TRAM2: variants seen among roughly 807,000 people sequenced by gnomAD.
TRAM2 encodes translocating chain-associated membrane protein 2.
A neutral mutation model predicts 51.0 loss-of-function variants in TRAM2; 12 were observed. That is an observed-to-expected ratio of 0.24 (90% CI 0.15 to 0.38). The LOEUF is 0.38. TRAM2 is among the 10% of genes least tolerant of loss of function. TRAM2 has a pLI of 1.00. For synonymous variants in TRAM2, 175 were observed against 179.4 expected (o/e 0.98, Z 0.20); for missense variants, 361 against 462.0 (o/e 0.78, Z 2.00).
intron 1 of TRAM2, among the ~76,000 whole-genome samples, chr6:52,575,266 T>G (rs1222204133): frequency 2.0e-5 from 3 of 152,036 alleles, no homozygotes; most frequent in African/African-American, 7.2e-5. Flanking sequence ...GAGGCTGCAG[T>G]CAGTTTTCAG....
Position 52,502,724 on chromosome 6 carries a change from C to CT in TRAM2, c.*472dup, listed in dbSNP as rs1766257292. The CT allele has an allele frequency of 1.2e-5, 2 of 170,070 alleles. No homozygotes were observed. The highest frequency in any genetic ancestry group is 3.0e-4 in the South Asian group (2 of 6,716). 10.5% of individuals were successfully genotyped at this position (170,070 alleles called of 1,614,324 possible). ...CATCCACATGAGGACCACCAAGGGC[C>CT]TACCAGCCCCAGGCTTCTGACCGGC... On this transcript the variant is annotated 3_prime_UTR_variant, in exon 11 of 11. Transcript: ENST00000182527.
At chr6:52,523,182 T>C in intron 2 of TRAM2, 1 of 382,040 alleles carries the variant, frequency 2.6e-6, no homozygotes. Flanking sequence ...GAGCCAACTC[T>C]GTTTTCGTAT....
chr6:52,541,803 G>GTTTTTTTTTT (rs56919932), intron 1 of TRAM2, among the ~76,000 whole-genome samples: 10 of 138,700 alleles, frequency 7.2e-5, no homozygotes, highest in Non-Finnish European at 1.6e-4. Context: ...AGTTTATTCT[G>GTTTTTTTTTT]TTTTTTTTTT....
chr6:52,565,933 T>A (rs548341554), intron 1 of TRAM2, among the ~76,000 whole-genome samples: 3 of 152,320 alleles, frequency 2.0e-5, no homozygotes, highest in African/African-American at 7.2e-5. Context: ...ACCAGTTTCC[T>A]TAGGTAAGTC....
chr6:52,497,854 T>TATCA lies in TRAM2; in HGVS notation c.*5339_*5342dup, dbSNP rs1333844163. On this transcript the variant is annotated 3_prime_UTR_variant, in exon 11 of 11. Transcript: ENST00000182527. ...TATATTTACTGTCACAGCTAGACCC[T>TATCA]ATCAGGTGAACAGGGCTCTCCACCT... The TATCA allele has an allele frequency of 1.4e-4, 21 of 152,352 alleles. No homozygotes were observed. Among genetic ancestry groups the TATCA allele is most frequent in the African/African-American group, 4.1e-4 (17 of 41,576 alleles). 9.4% of individuals were successfully genotyped at this position (152,352 alleles called of 1,614,324 possible). A position where few individuals can be genotyped will look rare whatever the true frequency, so the allele number is the denominator to read the frequency against.
At chr6:52,513,537 T>TG (rs1279392839) in intron 4 of TRAM2, among the ~76,000 whole-genome samples, 1 of 151,744 alleles carries the variant, frequency 6.6e-6, no homozygotes, top group African/African-American at 2.4e-5. Flanking sequence ...TGCAAATTGG[T>TG]GGGGGGTTCT....
intron 1 of TRAM2, among the ~76,000 whole-genome samples, chr6:52,545,681 G>T (rs1481212848): frequency 6.7e-6 from 1 of 149,604 alleles, no homozygotes; most frequent in African/African-American, 2.5e-5. Context: ...GCAGCTGGAA[G>T]AACCAACCCC....
rs562132672 is a variant in TRAM2 at position 52,524,977 on chromosome 6, A to T, written c.185-8240T>A. ...GCCTACTTCCAACAGAAACAATCAGACGCTAAAGGAACAGAAGAGTCACTT... is the reference window on the plus strand; with the variant it reads ...GCCTACTTCCAACAGAAACAATCAGTCGCTAAAGGAACAGAAGAGTCACTT... On this transcript the variant is annotated intron_variant, in intron 2 of 10. Coordinates refer to ENST00000182527, the MANE Select transcript of TRAM2 (RefSeq NM_012288.4). The T allele has an allele frequency of 2.3e-4, 35 of 152,394 alleles. 1 individual carries two copies. Among genetic ancestry groups the T allele is most frequent in the African/African-American group, 8.2e-4 (34 of 41,586 alleles). The allele number at this position is 152,394 out of a possible 1,614,324, so 9.4% of individuals were successfully genotyped here.
chr6:52,547,213 G>A (rs112465721), intron 1 of TRAM2, among the ~76,000 whole-genome samples: 3 of 152,194 alleles, frequency 2.0e-5, no homozygotes, highest in African/African-American at 7.2e-5. Flanking sequence ...GGACCATGGA[G>A]AGAAATGTGG....
At chr6:52,536,398 T>G (rs2114086964) in intron 1 of TRAM2, among the ~76,000 whole-genome samples, 1 of 152,292 alleles carries the variant, frequency 6.6e-6, no homozygotes, top group South Asian at 2.1e-4. Flanking sequence ...ACATTCCTGG[T>G]TTGTTTATTT....
intron 1 of TRAM2, among the ~76,000 whole-genome samples, chr6:52,557,669 T>G (rs546576976): frequency 1.2e-4 from 18 of 152,278 alleles, no homozygotes; most frequent in South Asian, 4.1e-4. Context: ...GAGCCTCAAA[T>G]CTGCAGCCTA....
chr6:52,533,437 G>A (rs927663528), intron 2 of TRAM2, among the ~76,000 whole-genome samples: 8 of 152,184 alleles, frequency 5.3e-5, no homozygotes, highest in African/African-American at 1.9e-4. Flanking sequence ...GCCCTGGGAT[G>A]AGCGGGCATC....
rs1035065662 is a variant in TRAM2, at chr6:52,504,448, C to G, written c.1039+143G>C. The G allele has an allele frequency of 1.9e-5, 27 of 1,435,188 alleles. 4 individuals are homozygous for G. The highest frequency in any genetic ancestry group is 7.3e-5 in the East Asian group (3 of 40,974). The allele number at this position is 1,435,188 out of a possible 1,614,324, so 88.9% of individuals were successfully genotyped here. ...CGTGCCAATCAGGGAGCTAGGAGCC[C>G]CAGCCCTGAGGTAAGAGTCAGGAAG... is the stretch of plus-strand genomic sequence containing the variant. On this transcript the variant is annotated intron_variant, in intron 10 of 10. Transcript: ENST00000182527.
At chr6:52,569,805 G>A (rs1767648603) in intron 1 of TRAM2, among the ~76,000 whole-genome samples, 2 of 151,964 alleles carry the variant, frequency 1.3e-5, no homozygotes, top group African/African-American at 4.8e-5. Context: ...GCCCAGAACA[G>A]GCACTTAAGC....
At chr6:52,560,366 GT>G (rs1285844120) in intron 1 of TRAM2, among the ~76,000 whole-genome samples, 3 of 152,240 alleles carry the variant, frequency 2.0e-5, no homozygotes, top group African/African-American at 7.2e-5. Flanking sequence ...CTTTCCAGGT[GT>G]TGCCTGTGCA....
chr6:52,545,598 A>G (rs923894581), intron 1 of TRAM2, among the ~76,000 whole-genome samples: 1 of 151,882 alleles, frequency 6.6e-6, no homozygotes, highest in African/African-American at 2.4e-5. Context: ...AGTCACTGCT[A>G]TGAACCCCAC....
intron 1 of TRAM2, among the ~76,000 whole-genome samples, chr6:52,559,264 GACGCGACGGATTACT>G: frequency 6.6e-6 from 1 of 152,190 alleles, no homozygotes; most frequent in Non-Finnish European, 1.5e-5. Context: ...CAGTGTAACA[GACGCGACGGATTACT>G]TGGAATATCC....
intron 2 of TRAM2, among the ~76,000 whole-genome samples, chr6:52,517,550 G>A (rs1230198496): frequency 6.6e-6 from 1 of 152,230 alleles, no homozygotes; most frequent in Non-Finnish European, 1.5e-5. Context: ...GAAATCTTGT[G>A]AAACTCCGCC....
At chr6:52,545,467 T>C (rs1200957078) in intron 1 of TRAM2, among the ~76,000 whole-genome samples, 1 of 151,944 alleles carries the variant, frequency 6.6e-6, no homozygotes, top group African/African-American at 2.4e-5. Flanking sequence ...AATCACAGGG[T>C]AAGAGCATAA....
Sources: gnomAD v4.1 joint callset for allele counts (sites outside exome capture counted in the v4.1 genomes callset) on GRCh38, gnomAD v4.1.1 for gene constraint, MANE v1.5 for transcripts, NCBI Gene and HGNC (gene_info 2026-07-23, HGNC 2026-07-21) for gene names.